The following PFKP variants were observed in gnomAD, a reference collection of about 807,000 sequenced individuals.
The protein encoded by PFKP is phosphofructokinase, platelet.
Under a neutral mutation model 94.3 loss-of-function variants are expected in PFKP, and 101 were observed. That is an observed-to-expected ratio of 1.07 (90% CI 0.91 to 1.26). The LOEUF is 1.26. Among genes scored for constraint, PFKP ranks in the 50% most tolerant of loss-of-function variants. The pLI, the probability that PFKP is intolerant of heterozygous loss-of-function variation, is 0.00. For synonymous variants in PFKP, 573 were observed against 432.6 expected, an observed-to-expected ratio of 1.32 and a Z score of -4.03; for missense variants, 1,145 against 1,103.3, an observed-to-expected ratio of 1.04 and a Z score of -0.53.
In PFKP at chr10:3,104,013, C is replaced by T. The variant is rs150300802; in HGVS notation, c.620+69C>T. The T allele has an allele frequency of 1.4e-4, 205 of 1,456,026 alleles. 1 individual carries two copies. In the East Asian group the frequency reaches 2.7e-3, roughly 19 times the overall value. 90.2% of individuals were successfully genotyped at this position (1,456,026 alleles called of 1,614,324 possible). ...CGTGTGCCCAGCTCAGACGTTACCACGGGCTCTAGAACATTCTGCAGATTG... is the reference window on the plus strand; with the variant it reads ...CGTGTGCCCAGCTCAGACGTTACCATGGGCTCTAGAACATTCTGCAGATTG... On this transcript the variant is annotated intron_variant, in intron 5 of 21. Transcript: ENST00000381125.
In PFKP at chr10:3,082,636, G is replaced by A. The variant is rs527457348; in HGVS notation, c.186+175G>A. On this transcript the variant is annotated intron_variant, in intron 2 of 21. Transcript: ENST00000381125. ...CTCAGCCCACAGAAGCCCCTGGTCT[G>A]CAGGGACAGATGCCTGGTCTGCAAG... Among the ~76,000 whole-genome samples the A allele has an allele frequency of 2.6e-5, 4 of 152,350 alleles. No individual in the cohort carries two copies. In the South Asian group the frequency reaches 8.3e-4, roughly 32 times the overall value.
Position 3,113,538 on chromosome 10 carries a change from G to A in PFKP, c.1371+20G>A, listed in dbSNP as rs566609345. The A allele has an allele frequency of 8.7e-6, 14 of 1,607,756 alleles. No homozygotes were observed. The highest frequency in any genetic ancestry group is 5.5e-5 in the South Asian group (5 of 90,720). ...GGCCAGGTGAGTCACCCAGGATGCC[G>A]TAGGCAGGCAGACACCCTGGCTGTG... On this transcript the variant is annotated intron_variant, in intron 13 of 21. Transcript: ENST00000381125.
chr10:3,072,728 C>T (rs571998170), intron 1 of PFKP, among the ~76,000 whole-genome samples: 1 of 152,054 alleles, frequency 6.6e-6, no homozygotes, highest in South Asian at 2.1e-4. Flanking sequence ...GGACTCCAAC[C>T]TTTTATCAGG....
At chr10:3,077,738 G>A (rs1464096122) in intron 1 of PFKP, among the ~76,000 whole-genome samples, 1 of 152,106 alleles carries the variant, frequency 6.6e-6, no homozygotes, top group Non-Finnish European at 1.5e-5. Flanking sequence ...TCTGACTCAA[G>A]GAAGAAACCG....
intron 3 of PFKP, 93 bp downstream of exon 3, chr10:3,099,445 G>C (rs555713143): frequency 2.1e-6 from 2 of 970,710 alleles, no homozygotes; most frequent in East Asian, 2.4e-5. Context: ...GATCAGTTGC[G>C]AAATAGAGAT....
Position 3,136,650 on chromosome 10 carries a change from C to CAAA in PFKP, c.*72_*73insAAA. ...TTTTGTAACACTTAAGTTATTTTAT[C>CAAA]AGCACTTTATGCACGTATTATTGAC... On this transcript the variant is annotated 3_prime_UTR_variant, in exon 22 of 22. Transcript: ENST00000381125. 2.0e-6 allele frequency: 3 copies of CAAA among 1,537,556 alleles called. No individual in the cohort carries two copies. The highest frequency in any genetic ancestry group is 3.5e-5 in the Admixed American group (2 of 56,558).
chr10:3,069,238 A>G lies in PFKP; in HGVS notation c.112+1531A>G, dbSNP rs142632123. On this transcript the variant is annotated intron_variant, in intron 1 of 21. Coordinates refer to ENST00000381125, the MANE Select transcript of PFKP (RefSeq NM_002627.5). ...GGAAGTGCTCTGGCGTTAGCATTCC[A>G]GTAAAAGGACCCCAGCATCAACGTT... 2.7e-3 allele frequency: 3,842 copies of G among 1,425,396 alleles called. 72 individuals carry two copies. In the East Asian group the frequency reaches 0.039, roughly 14 times the overall value. The allele number at this position is 1,425,396 out of a possible 1,614,324, so 88.3% of individuals were successfully genotyped here.
chr10:3,125,924 C>T lies in PFKP; in HGVS notation c.1684-3895C>T, dbSNP rs371264996. On this transcript the variant is annotated intron_variant, in intron 16 of 21. Coordinates refer to ENST00000381125, the MANE Select transcript of PFKP (RefSeq NM_002627.5). ...ACTCAGCTGCAGACAGGACGGTGGC[C>T]ACCGTGACATGTGGGGTCACGTCCG... Among the ~76,000 whole-genome samples the T allele has an allele frequency of 5.3e-5, 8 of 152,340 alleles. No homozygotes were observed. The East Asian group carries it at 1.2e-3, about 22-fold the overall frequency.
intron 14 of PFKP, 66 bp from the exon 15 acceptor site, chr10:3,118,716 G>A (rs1837083621): frequency 7.0e-6 from 8 of 1,144,602 alleles, no homozygotes; most frequent in Non-Finnish European, 1.0e-5. Context: ...GGGGACCGGC[G>A]TGGCGTCCTG....
intron 1 of PFKP, chr10:3,070,391 T>C (rs999063322): frequency 1.3e-5 from 2 of 152,236 alleles, no homozygotes; most frequent in African/African-American, 4.8e-5. Flanking sequence ...ATGTTAGTAC[T>C]TGATTTTCCC....
At chr10:3,077,472 T>C (rs1179748155) in intron 1 of PFKP, among the ~76,000 whole-genome samples, 2 of 151,858 alleles carry the variant, frequency 1.3e-5, no homozygotes, top group East Asian at 1.9e-4. Context: ...TTCACCCTGT[T>C]AGCCAGGATG....
intron 6 of PFKP, 28 bp from the exon 7 acceptor site, chr10:3,105,365 T>A (rs1835432826): frequency 6.4e-7 from 1 of 1,559,364 alleles, no homozygotes; most frequent in African/African-American, 1.4e-5. Context: ...CCTTCTGGGG[T>A]GTTGATGCTG....
intron 5 of PFKP, among the ~76,000 whole-genome samples, chr10:3,104,539 CCT>C (rs1467265555): frequency 6.6e-6 from 1 of 152,238 alleles, no homozygotes; most frequent in Non-Finnish European, 1.5e-5. Flanking sequence ...GCCTCCCAGT[CCT>C]CTGTGTGCGT....
intron 2 of PFKP, among the ~76,000 whole-genome samples, chr10:3,086,488 G>A (rs1473877077): frequency 6.6e-6 from 1 of 152,212 alleles, no homozygotes; most frequent in Non-Finnish European, 1.5e-5. Flanking sequence ...AGTGTTTGGA[G>A]GCATTTTTTG....
rs146649851 is a variant in PFKP, at chr10:3,108,143, T to A, written c.871-558T>A. 3.7e-5 allele frequency: 26 copies of A among 696,158 alleles called. No individual in the cohort carries two copies. In the African/African-American group the frequency reaches 4.3e-4, roughly 12 times the overall value. The allele number at this position is 696,158 out of a possible 1,614,324, so 43.1% of individuals were successfully genotyped here. A position where few individuals can be genotyped will look rare whatever the true frequency, so the allele number is the denominator to read the frequency against. On this transcript the variant is annotated intron_variant, in intron 8 of 21. Transcript: ENST00000381125. ...TTCCCGCTTAACTGTAATTAAATTA[T>A]AGGACAATGGACCGAGAAGGAACCA...
At chr10:3,120,367 C>T (rs560034855) in intron 16 of PFKP, among the ~76,000 whole-genome samples, 1 of 35,752 alleles carries the variant, frequency 2.8e-5, no homozygotes, top group Non-Finnish European at 6.0e-5. Flanking sequence ...CATTAAAAAT[C>T]GCTGTGTGTG....
intron 2 of PFKP, among the ~76,000 whole-genome samples, chr10:3,094,059 C>A (rs907566908): frequency 6.6e-6 from 1 of 152,172 alleles, no homozygotes; most frequent in African/African-American, 2.4e-5. Context: ...TTCAGACAAT[C>A]TAGTTTCAGT....
At chr10:3,100,778 G>C in intron 3 of PFKP, 1 of 555,386 alleles carries the variant, frequency 1.8e-6, no homozygotes. Context: ...GACGAATCAT[G>C]ATCTATGTCC....
At chr10:3,115,105 A>G (rs1439661841) in intron 13 of PFKP, among the ~76,000 whole-genome samples, 1 of 152,184 alleles carries the variant, frequency 6.6e-6, no homozygotes, top group East Asian at 1.9e-4. Context: ...GGATCACTCC[A>G]TTCCTGGCCT....
Sources: allele counts gnomAD v4.1 joint callset (sites outside exome capture counted in the v4.1 genomes callset), GRCh38; gene constraint gnomAD v4.1.1; transcripts MANE v1.5; gene names NCBI Gene and HGNC (gene_info 2026-07-23, HGNC 2026-07-21).